The following ALDH16A1 variants were observed in gnomAD, a reference collection of about 807,000 sequenced individuals.
ALDH16A1 encodes the protein aldehyde dehydrogenase family 16 member A1.
ALDH16A1 carries 88 observed loss-of-function variants against 96.1 expected under a neutral mutation model. That is an observed-to-expected ratio of 0.92 (90% CI 0.77 to 1.09). The LOEUF is 1.09. ALDH16A1 is among the 50% of genes least tolerant of loss of function. ALDH16A1 has a pLI of 0.00. For synonymous variants in ALDH16A1, 522 were observed against 496.4 expected, an observed-to-expected ratio of 1.05 and a Z score of -0.69; for missense variants, 1,250 against 1,112.6, an observed-to-expected ratio of 1.12 and a Z score of -1.76.
chr19:49,464,535 C>T lies in ALDH16A1; in HGVS notation c.1437+13C>T, dbSNP rs1189581386. On this transcript the variant is annotated intron_variant, in intron 11 of 16. Transcript: ENST00000293350. The stretch of plus-strand genomic sequence containing the variant: ...CGGGGGCCCAGACGTGAGTACATCC[C>T]CTCCCCGTCACCAGCCCCCCCGCCG... The T allele has an allele frequency of 6.2e-7, 1 of 1,613,388 alleles. No homozygotes were observed. The highest frequency in any genetic ancestry group is 1.3e-5 in the African/African-American group (1 of 74,924).
Position 49,470,655 on chromosome 19 carries a change from T to TTC in ALDH16A1, c.*189_*190insCT, listed in dbSNP as rs1272276795. 20 of 576,860 alleles carry TTC rather than the reference T, an allele frequency of 3.5e-5. No homozygotes were observed. The Admixed American group carries it at 5.6e-4, about 16-fold the overall frequency. The allele number at this position is 576,860 out of a possible 1,614,324, so 35.7% of individuals were successfully genotyped here. ...CAGATATGAGGCTTTTTTCTTTTTT[T>TTC]TTTTTTTTTTTGAGACAACGTCTGG... is the stretch of plus-strand genomic sequence containing the variant. On this transcript the variant is annotated 3_prime_UTR_variant, in exon 17 of 17. Coordinates refer to ENST00000293350, the MANE Select transcript of ALDH16A1 (RefSeq NM_153329.4).
chr19:49,454,951 T>G (rs1390909411), intron 1 of ALDH16A1, among the ~76,000 whole-genome samples: 1 of 149,608 alleles, frequency 6.7e-6, no homozygotes, highest in East Asian at 2.0e-4. Flanking sequence ...AAACCCCATC[T>G]CTACTAAAAT....
rs780883798 is a variant in ALDH16A1 at position 49,459,089 on chromosome 19, G to A, written c.320+3G>A. The A allele has an allele frequency of 6.2e-7, 1 of 1,611,982 alleles. No homozygotes were observed. The highest frequency in any genetic ancestry group is 2.2e-5 in the East Asian group (1 of 44,856). ...GTCCGGGCCCAGCACCTGACCAGGT[G>A]ATGCAGCTGAGGTGTGGACCCCGGG... On this transcript the variant is annotated splice_donor_region_variant and intron_variant, in intron 3 of 16. Coordinates refer to ENST00000293350, the MANE Select transcript of ALDH16A1 (RefSeq NM_153329.4). This position sits in a 1 kb window ranked among gnomAD's most constrained non-coding sequence, Gnocchi z 4.1.
At chr19:49,467,573 T>C (rs1337170092) in intron 14 of ALDH16A1, among the ~76,000 whole-genome samples, 1 of 150,808 alleles carries the variant, frequency 6.6e-6, no homozygotes, top group African/African-American at 2.4e-5. Context: ...TTTTTTTTTG[T>C]ATATTTAGTA....
chr19:49,453,475 C>A, intron 1 of ALDH16A1, 54 bp downstream of exon 1: 3 of 1,457,860 alleles, frequency 2.1e-6, no homozygotes, highest in Non-Finnish European at 2.8e-6. Context: ...CCTGGGCGCC[C>A]GGTTTTTCGC....
Position 49,464,733 on chromosome 19 carries a change from C to G in ALDH16A1, c.1539C>G (p.Thr513=), listed in dbSNP as rs1208840366. The change falls in exon 12 of 17, where the codon ACC becomes ACG. Residue 513 remains threonine (T), a synonymous_variant. Transcript: ENST00000293350. ...YDTFGLAVPS[T]LPAGPEIGPS... ...CCTTTGGCCTCGCTGTTCCCTCAAC[C>G]CTGCCGGCTGGGCCTGAAATAGGGC... 2 of 1,613,574 alleles carry G rather than the reference C, an allele frequency of 1.2e-6. No individual in the cohort carries two copies. The highest frequency in any genetic ancestry group is 1.7e-6 in the Non-Finnish European group (2 of 1,179,600).
Position 49,468,368 on chromosome 19 carries a change from C to G in ALDH16A1, c.1939-13C>G. On this transcript the variant is annotated splice_polypyrimidine_tract_variant and intron_variant, in intron 14 of 16. Coordinates refer to ENST00000293350, the MANE Select transcript of ALDH16A1 (RefSeq NM_153329.4). This position sits in a 1 kb window ranked among gnomAD's most constrained non-coding sequence, Gnocchi z 4.4. ...GCTCCCCTGCCCCACACGTGACCCA[C>G]CTGTCCCTGCAGGTAGCCGGGCTGA... The G allele has an allele frequency of 6.3e-7, 1 of 1,597,106 alleles. No homozygotes were observed. The highest frequency in any genetic ancestry group is 8.5e-7 in the Non-Finnish European group (1 of 1,178,892).
chr19:49,469,609 C>G (rs1568658480), intron 16 of ALDH16A1: 2 of 62,012 alleles, frequency 3.2e-5, no homozygotes, highest in East Asian at 3.9e-4. Flanking sequence ...GAGACAGAGT[C>G]TCACTCTGTC....
intron 12 of ALDH16A1, 106 bp downstream of exon 12, chr19:49,464,868 C>T: frequency 6.5e-7 from 1 of 1,537,254 alleles, no homozygotes; most frequent in South Asian, 1.2e-5. Flanking sequence ...TCCAAACCAT[C>T]TCTTAGTCCT....
At chr19:49,461,432 GGGCCT>G (rs2079143641) in intron 5 of ALDH16A1, among the ~76,000 whole-genome samples, 182 bp from the exon 6 acceptor site, 4 of 74,242 alleles carry the variant, frequency 5.4e-5, no homozygotes, top group African/African-American at 2.1e-4. Context: ...AGGAGGGGCT[GGGCCT>G]GGACTCCGGG....
intron 4 of ALDH16A1, 67 bp from the exon 5 acceptor site, chr19:49,460,755 A>G (rs1273784059): frequency 8.0e-7 from 1 of 1,246,204 alleles, no homozygotes; most frequent in African/African-American, 1.6e-5. Flanking sequence ...GGGTCTTGCC[A>G]TGTGGCCCAG....
rs556999561 is a variant in ALDH16A1 at position 49,468,247 on chromosome 19, G to A, written c.1939-134G>A. The A allele has an allele frequency of 1.2e-5, 11 of 882,960 alleles. No homozygotes were observed. The highest frequency in any genetic ancestry group is 3.4e-5 in the South Asian group (2 of 58,148). The allele number at this position is 882,960 out of a possible 1,614,324, so 54.7% of individuals were successfully genotyped here. ...ATGATTCACTTTGACCAGCGTCTGC[G>A]AAATGGCAGGGGCTTCCACAATGGT... On this transcript the variant is annotated intron_variant, in intron 14 of 16. Coordinates refer to ENST00000293350, the MANE Select transcript of ALDH16A1 (RefSeq NM_153329.4). This position sits in a 1 kb window ranked among gnomAD's most constrained non-coding sequence, Gnocchi z 4.4.
rs778054606 is a variant in ALDH16A1, at chr19:49,464,117, C to A, written c.1195-10C>A. ...CCTGGAGGGCTGAGCCTCCCGGTCA[C>A]CCCTTGCAGGTGCCGTGGCCTGTGG... On this transcript the variant is annotated splice_polypyrimidine_tract_variant and intron_variant, in intron 9 of 16. Transcript: ENST00000293350. 15 of 1,606,166 alleles carry A rather than the reference C, an allele frequency of 9.3e-6. No individual in the cohort carries two copies. Among genetic ancestry groups the A allele is most frequent in the Non-Finnish European group, 1.0e-5 (12 of 1,177,918 alleles).
intron 14 of ALDH16A1, among the ~76,000 whole-genome samples, chr19:49,466,501 G>A (rs927957457): frequency 6.6e-6 from 1 of 152,306 alleles, no homozygotes; most frequent in Non-Finnish European, 1.5e-5. Context: ...GCCAGATGAT[G>A]GATAGCGACC....
In ALDH16A1 at chr19:49,453,367, G is replaced by C. The variant is rs1198911507; in HGVS notation, c.36G>C (p.Glu12Asp). The change falls in exon 1 of 17, where the codon GAG becomes GAC. Residue 12 changes from glutamate to aspartate, a missense_variant. Glu to Asp is a conservative substitution (Grantham distance 45). Transcript: ENST00000293350. ...AATRAGPRAREIFTSLEYGPV... is the reference protein window; with the variant it reads ...AATRAGPRARDIFTSLEYGPV... ...CGCGTGCAGGGCCCCGCGCCCGCGAGATCTTCACCTCGCTGGAGTACGGAC... is the reference window on the plus strand; with the variant it reads ...CGCGTGCAGGGCCCCGCGCCCGCGACATCTTCACCTCGCTGGAGTACGGAC... The C allele has an allele frequency of 1.9e-6, 3 of 1,573,200 alleles. No individual in the cohort carries two copies. Among genetic ancestry groups the C allele is most frequent in the South Asian group, 2.3e-5 (2 of 86,420 alleles).
At position 49,459,958 on chromosome 19, in the gene ALDH16A1, C is replaced by T. The variant is rs920039454; in HGVS notation, c.499+110C>T. Reference sequence around the variant, plus strand: ...AGAGTTTCGCTCTTGTCGCCCAGGCCGGAGTGCAGTGGCGCAATCTTGGCT... The same window carrying T: ...AGAGTTTCGCTCTTGTCGCCCAGGCTGGAGTGCAGTGGCGCAATCTTGGCT... On this transcript the variant is annotated intron_variant, in intron 4 of 16. Coordinates refer to ENST00000293350, the MANE Select transcript of ALDH16A1 (RefSeq NM_153329.4). The surrounding 1 kb of genome is among the most constrained non-coding windows in gnomAD (Gnocchi z 4.1). The T allele has an allele frequency of 1.7e-5, 23 of 1,320,694 alleles. No homozygotes were observed. Among genetic ancestry groups the T allele is most frequent in the East Asian group, 1.1e-4 (4 of 34,910 alleles). 81.8% of individuals were successfully genotyped at this position (1,320,694 alleles called of 1,614,324 possible).
chr19:49,467,476 C>T (rs1347547710), intron 14 of ALDH16A1, among the ~76,000 whole-genome samples: 1 of 151,342 alleles, frequency 6.6e-6, no homozygotes, highest in South Asian at 2.1e-4. Flanking sequence ...CTCACTGCAA[C>T]CTCTGCATCC....
chr19:49,459,749 G>T lies in ALDH16A1; in HGVS notation c.400G>T (p.Val134Phe). The change falls in exon 4 of 17, where the codon GTT becomes TTT. Residue 134 changes from valine to phenylalanine, a missense_variant. Val to Phe is a conservative substitution (Grantham distance 50). Transcript: ENST00000293350. The surrounding 1 kb of genome is among the most constrained non-coding windows in gnomAD (Gnocchi z 4.1). ...GGTGACTGGGCGGGCTGTTCGAGAG[G>T]TTCGAGACGGGGACGTCCAGCTGGC... Reference protein sequence around the residue: ...SLVTGRAVREVRDGDVQLAQQ... With the variant: ...SLVTGRAVREFRDGDVQLAQQ... 6.2e-7 allele frequency: 1 copy of T among 1,613,734 alleles called. No homozygotes were observed. The highest frequency in any genetic ancestry group is 8.5e-7 in the Non-Finnish European group (1 of 1,179,928).
Position 49,454,035 on chromosome 19 carries a change from T to TTTTTTTG in ALDH16A1, c.90+620_90+621insGTTTTTT, listed in dbSNP as rs1227554199. Among the ~76,000 whole-genome samples the TTTTTTTG allele has an allele frequency of 2.7e-5, 4 of 148,466 alleles. No homozygotes were observed. In the South Asian group the frequency reaches 8.5e-4, roughly 32 times the overall value. On this transcript the variant is annotated intron_variant, in intron 1 of 16. Coordinates refer to ENST00000293350, the MANE Select transcript of ALDH16A1 (RefSeq NM_153329.4). ...TTTGGGTTGGGTTTTTTTTTTGTTT[T>TTTTTTTG]TTTTTTTGAGCCAGGGTCTCACTCT... is the stretch of plus-strand genomic sequence containing the variant.
Sources: allele counts gnomAD v4.1 joint callset (sites outside exome capture counted in the v4.1 genomes callset), GRCh38; gene constraint gnomAD v4.1.1; non-coding constraint Gnocchi (gnomAD v3.1); transcripts MANE v1.5; gene names NCBI Gene and HGNC (gene_info 2026-07-23, HGNC 2026-07-21).